The following AK4 variants were observed in gnomAD, a reference collection of about 807,000 sequenced individuals.
The protein encoded by AK4 is adenylate kinase 4, mitochondrial.
In AK4, 13 loss-of-function variants were observed where a neutral mutation model predicts 24.6. The observed-to-expected ratio is 0.53, with a 90% CI of 0.34 to 0.84. The LOEUF is 0.84. Ranked by LOEUF, AK4 falls within the 40% of genes least tolerant of loss-of-function variation. The pLI is 0.01. For missense variants in AK4, 192 were observed against 288.2 expected, an observed-to-expected ratio of 0.67 and a Z score of 2.42; for synonymous variants, 88 against 107.0, an observed-to-expected ratio of 0.82 and a Z score of 1.10.
chr1:65,177,985 G>A (rs1206594226), intron 1 of AK4, among the ~76,000 whole-genome samples: 1 of 151,866 alleles, frequency 6.6e-6, no homozygotes, highest in African/African-American at 2.4e-5. Context: ...TTGTTGAGAA[G>A]GGTTTTCTGA....
At chr1:65,152,384 A>T (rs4916023) in intron 1 of AK4, among the ~76,000 whole-genome samples, 578 of 16,448 alleles carry the variant, frequency 0.035, 21 homozygotes, top group Middle Eastern at 0.083. Flanking sequence ...ATATATATAT[A>T]TTTTTTTTTT....
chr1:65,151,907 C>G (rs763350958), intron 1 of AK4, among the ~76,000 whole-genome samples: 4 of 152,118 alleles, frequency 2.6e-5, no homozygotes, highest in Non-Finnish European at 2.9e-5. Flanking sequence ...CTCAGATTTT[C>G]TTTAGCACAC....
chr1:65,225,118 AAAC>A (rs1652413863), intron 4 of AK4, among the ~76,000 whole-genome samples: 1 of 152,210 alleles, frequency 6.6e-6, no homozygotes, highest in African/African-American at 2.4e-5. Context: ...TTTGGATGTA[AAAC>A]AACATTGAGA....
rs1458932412 is a variant in AK4, at chr1:65,231,545, GA to G, written c.*5369del. 1 of 152,116 alleles carries G rather than the reference GA, an allele frequency of 6.6e-6. No homozygotes were observed. Among genetic ancestry groups the G allele is most frequent in the Non-Finnish European group, 1.5e-5 (1 of 68,018 alleles). 9.4% of individuals were successfully genotyped at this position (152,116 alleles called of 1,614,324 possible). The stretch of plus-strand genomic sequence containing the variant: ...CACCTTGAAGATTCCCCCTAGGGTT[GA>G]TATGTGTCTAATTCATTTTATAAAA... On this transcript the variant is annotated 3_prime_UTR_variant, in exon 5 of 5. Transcript: ENST00000327299.
At chr1:65,172,063 G>GTGTATATATATA (rs1433940516) in intron 1 of AK4, among the ~76,000 whole-genome samples, 6 of 65,746 alleles carry the variant, frequency 9.1e-5, no homozygotes, top group Admixed American at 7.4e-4. Flanking sequence ...TCCATCTCAA[G>GTGTATATATATA]TATATATATA....
chr1:65,148,110 G>A, upstream of AK4: 1 of 438,278 alleles, frequency 2.3e-6, no homozygotes, highest in Non-Finnish European at 3.8e-6. Flanking sequence ...CGGCAGGGCG[G>A]GGCACGGCGC....
intron 1 of AK4, among the ~76,000 whole-genome samples, chr1:65,149,658 G>C (rs1047776565): frequency 1.3e-5 from 2 of 152,142 alleles, no homozygotes; most frequent in African/African-American, 4.8e-5. Context: ...GACAGTACCA[G>C]AAAACAAAAG....
At chr1:65,167,502 TAA>T (rs113891826) in intron 1 of AK4, among the ~76,000 whole-genome samples, 13 of 142,688 alleles carry the variant, frequency 9.1e-5, no homozygotes, top group Admixed American at 7.0e-5. Context: ...TGGCTTAGTT[TAA>T]AAAAAAAAAA....
At chr1:65,165,003 A>G (rs1465456397) in intron 1 of AK4, among the ~76,000 whole-genome samples, 2 of 152,228 alleles carry the variant, frequency 1.3e-5, no homozygotes, top group Non-Finnish European at 2.9e-5. Flanking sequence ...CACTTGTAAA[A>G]TCAGTCTATT....
At chr1:65,147,584 G>A (rs1319791000), upstream of AK4, 1 of 151,944 alleles carries the variant, frequency 6.6e-6, no homozygotes, top group Non-Finnish European at 1.5e-5. Context: ...GCCGGCCGGG[G>A]CTCCGCGACT....
chr1:65,186,716 G>A (rs373622111), intron 1 of AK4, among the ~76,000 whole-genome samples: 1 of 152,120 alleles, frequency 6.6e-6, no homozygotes, highest in Non-Finnish European at 1.5e-5. Flanking sequence ...TGGGCCTGGC[G>A]TGACTATTGC....
chr1:65,169,618 A>G (rs1650443876), intron 1 of AK4, among the ~76,000 whole-genome samples: 1 of 152,200 alleles, frequency 6.6e-6, no homozygotes, highest in South Asian at 2.1e-4. Context: ...TCCCCCAGTG[A>G]AAAGTTTAAG....
At chr1:65,148,827 G>T (rs1297033696) in intron 1 of AK4, among the ~76,000 whole-genome samples, 2 of 152,170 alleles carry the variant, frequency 1.3e-5, no homozygotes, top group African/African-American at 4.8e-5. Flanking sequence ...CCCGGCCGAG[G>T]GAACGAGAAC....
chr1:65,190,709 G>C lies in AK4; in HGVS notation c.146-1G>C. On this transcript the variant is annotated splice_acceptor_variant, in intron 1 of 4. Coordinates refer to ENST00000327299, the MANE Select transcript of AK4 (RefSeq NM_013410.4). LOFTEE classifies it high-confidence loss of function. ...CTCTTTTTTTCTTGTCTTTTTAATA[G>C]AAGTTGGTGAGATGGCAAAGCAGTA... 1 of 1,606,626 alleles carries C rather than the reference G, an allele frequency of 6.2e-7. No homozygotes were observed. The highest frequency in any genetic ancestry group is 2.2e-5 in the East Asian group (1 of 44,658).
chr1:65,156,645 C>G (rs938209549), intron 1 of AK4, among the ~76,000 whole-genome samples: 2 of 151,764 alleles, frequency 1.3e-5, no homozygotes, highest in Non-Finnish European at 2.9e-5. Context: ...GAAAATTTGC[C>G]GGGCTCGGTG....
intron 1 of AK4, among the ~76,000 whole-genome samples, chr1:65,183,785 C>T (rs1396545379): frequency 6.6e-6 from 1 of 151,768 alleles, no homozygotes; most frequent in African/African-American, 2.4e-5. Flanking sequence ...TTTAACCAGC[C>T]TTAAGATGAT....
At chr1:65,158,567 C>T (rs1401725100) in intron 1 of AK4, among the ~76,000 whole-genome samples, 2 of 152,088 alleles carry the variant, frequency 1.3e-5, no homozygotes, top group Non-Finnish European at 1.5e-5. Context: ...GTGGTGTGAT[C>T]TTGGCTCACT....
chr1:65,148,630 G>T (rs1337138396), intron 1 of AK4, 78 bp downstream of exon 1: 2 of 1,436,028 alleles, frequency 1.4e-6, no homozygotes, highest in Non-Finnish European at 1.8e-6. Context: ...TGGGGCTCCC[G>T]GATCACGGCG....
chr1:65,208,941 A>G lies in AK4; in HGVS notation c.266-9813A>G, dbSNP rs891679845. 2.0e-5 allele frequency among the ~76,000 whole-genome samples: 3 copies of G among 152,226 alleles called. 1 individual carries two copies. The highest frequency in any genetic ancestry group is 1.3e-4 in the Admixed American group (2 of 15,290). ...AGTGGCCAGCACTGCTGGGAACACA[A>G]TACCAGTCAGGAATTTAATGATATC... On this transcript the variant is annotated intron_variant, in intron 2 of 4. Coordinates refer to ENST00000327299, the MANE Select transcript of AK4 (RefSeq NM_013410.4).
Sources: allele counts gnomAD v4.1 joint callset (sites outside exome capture counted in the v4.1 genomes callset), GRCh38; gene constraint gnomAD v4.1.1; transcripts MANE v1.5; gene names NCBI Gene and HGNC (gene_info 2026-07-23, HGNC 2026-07-21).